Variants in PCDHGB1 observed in about 807,000 individuals in gnomAD.
PCDHGB1 encodes protocadherin gamma-B1.
PCDHGB1 carries 34 observed loss-of-function variants against 56.6 expected under a neutral mutation model. The ratio of observed to expected loss-of-function variants is 0.60; its 90% CI spans 0.46 to 0.80. PCDHGB1 has a LOEUF of 0.80. Ranked by LOEUF, PCDHGB1 falls within the 30% of genes least tolerant of loss-of-function variation. The probability of loss-of-function intolerance (pLI) is 0.00; values close to 1 mark genes in which losing one functional copy is unlikely to be tolerated. For missense variants in PCDHGB1, 1,278 were observed against 1,204.6 expected (o/e 1.06, Z -0.90); for synonymous variants, 561 against 505.9 (o/e 1.11, Z -1.46).
chr5:141,495,300 C>T (rs1249195819), intron 2 of PCDHGB1, among the ~76,000 whole-genome samples: 1 of 152,204 alleles, frequency 6.6e-6, no homozygotes, highest in Non-Finnish European at 1.5e-5. Context: ...AGCGCCTCCT[C>T]CAGAGCCTCC....
intron 1 of PCDHGB1, chr5:141,426,985 A>G (rs534298238): frequency 7.7e-5 from 35 of 456,646 alleles, no homozygotes; most frequent in Non-Finnish European, 1.3e-4. Context: ...ACTGATGCCA[A>G]CGATAATGCC....
At chr5:141,404,661 A>G (rs930319561) in intron 1 of PCDHGB1, 1 of 1,614,098 alleles carries the variant, frequency 6.2e-7, no homozygotes. Context: ...CTCCCCACTG[A>G]TGGTTCTACT....
intron 1 of PCDHGB1, chr5:141,390,162 A>G: frequency 6.2e-7 from 1 of 1,614,024 alleles, no homozygotes; most frequent in African/African-American, 1.3e-5. Context: ...TACAGGAAAG[A>G]CGGAGTTTAA....
At chr5:141,382,924 G>T (rs768027809) in intron 1 of PCDHGB1, 2 of 1,568,666 alleles carry the variant, frequency 1.3e-6, no homozygotes, top group Non-Finnish European at 1.7e-6. Flanking sequence ...GAGGGGCGGG[G>T]ACTACAGAGG....
At chr5:141,505,767 AGGTCCTAGCTCT>A (rs2099848180) in intron 3 of PCDHGB1, among the ~76,000 whole-genome samples, 1 of 151,756 alleles carries the variant, frequency 6.6e-6, no homozygotes, top group Non-Finnish European at 1.5e-5. Context: ...AGTGTAGCTC[AGGTCCTAGCTCT>A]GCTACTATCC....
chr5:141,419,846 G>T (rs1407937968), intron 1 of PCDHGB1: 2 of 1,614,066 alleles, frequency 1.2e-6, no homozygotes, highest in Non-Finnish European at 1.7e-6. Context: ...GCTGCACCTG[G>T]TGTTCGCAGA....
At chr5:141,372,042 G>C in intron 1 of PCDHGB1, 1 of 1,613,478 alleles carries the variant, frequency 6.2e-7, no homozygotes, top group South Asian at 1.1e-5. Context: ...GAGCCTGCGC[G>C]TGTTGGTGGA....
rs200873701 is a variant in PCDHGB1, at chr5:141,375,789, C to T, written c.2409+23120C>T. ...GAGATCCTGTACCCCGCCCTCCCCA[C>T]AGACGGTTCCACTGGCGTGGAGCTG... On this transcript the variant is annotated intron_variant, in intron 1 of 3. Coordinates refer to ENST00000523390, the MANE Select transcript of PCDHGB1 (RefSeq NM_018922.3). The T allele has an allele frequency of 7.9e-5, 128 of 1,614,258 alleles. No individual in the cohort carries two copies. The Middle Eastern group carries it at 1.8e-3, about 23-fold the overall frequency.
intron 1 of PCDHGB1, among the ~76,000 whole-genome samples, chr5:141,444,203 C>A (rs2098425806): frequency 1.3e-5 from 1 of 79,180 alleles, no homozygotes; most frequent in Admixed American, 2.0e-4. Context: ...TGGAGTTTCA[C>A]TCTTGTTGCC....
chr5:141,399,561 G>A, intron 1 of PCDHGB1: 2 of 1,614,042 alleles, frequency 1.2e-6, no homozygotes, highest in Non-Finnish European at 1.7e-6. Flanking sequence ...TGGACTTGGG[G>A]TTGAACGGCC....
chr5:141,408,773 T>C, intron 1 of PCDHGB1: 1 of 1,611,652 alleles, frequency 6.2e-7, no homozygotes, highest in Non-Finnish European at 8.5e-7. Flanking sequence ...TGGTGGCAAA[T>C]ACCCAGAGTT....
chr5:141,370,396 T>C (rs767513658), intron 1 of PCDHGB1: 3 of 1,548,714 alleles, frequency 1.9e-6, no homozygotes, highest in Non-Finnish European at 2.6e-6. Context: ...GAGAGCGGGA[T>C]GGGAAATAGC....
At chr5:141,370,602 G>A in intron 1 of PCDHGB1, 1 of 1,613,954 alleles carries the variant, frequency 6.2e-7, no homozygotes, top group Non-Finnish European at 8.5e-7. Flanking sequence ...GCGGGTTATT[G>A]CAGAGAAGAA....
intron 1 of PCDHGB1, chr5:141,409,917 C>G: frequency 6.2e-7 from 1 of 1,613,376 alleles, no homozygotes; most frequent in South Asian, 1.1e-5. Flanking sequence ...CCTGACGGCT[C>G]CGCGTTCTTC....
chr5:141,475,978 G>C, intron 1 of PCDHGB1: 1 of 1,010,712 alleles, frequency 9.9e-7, no homozygotes, highest in Non-Finnish European at 1.4e-6. Context: ...AGACTGAACA[G>C]CCGGCGAGCA....
intron 1 of PCDHGB1, 47 bp downstream of exon 1, chr5:141,352,716 G>A (rs1371828196): frequency 1.3e-6 from 2 of 1,538,844 alleles, no homozygotes; most frequent in African/African-American, 1.4e-5. Context: ...GCGGCCGGGC[G>A]CGGTGGCTCA....
intron 1 of PCDHGB1, chr5:141,360,309 C>A: frequency 6.2e-7 from 1 of 1,613,980 alleles, no homozygotes; most frequent in Non-Finnish European, 8.5e-7. Flanking sequence ...GGCTCAGCGT[C>A]CGGGACTTGC....
chr5:141,373,545 G>A (rs1396644712), intron 1 of PCDHGB1, among the ~76,000 whole-genome samples: 1 of 152,122 alleles, frequency 6.6e-6, no homozygotes, highest in African/African-American at 2.4e-5. Context: ...TGTGGTTGTT[G>A]GTACCCTTAC....
At chr5:141,440,484 A>G (rs190024112) in intron 1 of PCDHGB1, 36 of 152,300 alleles carry the variant, frequency 2.4e-4, no homozygotes, top group Non-Finnish European at 4.7e-4. Context: ...AATTCTTTAA[A>G]TGTTTTTCAC....
Sources: allele counts gnomAD v4.1 joint callset (sites outside exome capture counted in the v4.1 genomes callset), GRCh38; gene constraint gnomAD v4.1.1; transcripts MANE v1.5; gene names NCBI Gene and HGNC (gene_info 2026-07-23, HGNC 2026-07-21).